ZFHX2: variants seen among roughly 807,000 people sequenced by gnomAD.
ZFHX2 encodes zinc finger homeobox 2, also known as zinc finger homeobox protein 2.
Under a neutral mutation model 164.8 loss-of-function variants are expected in ZFHX2, and 75 were observed. That is an observed-to-expected ratio of 0.46 (90% CI 0.38 to 0.55). The LOEUF (loss-of-function observed/expected upper bound fraction) is 0.55. Among genes scored for constraint, ZFHX2 ranks in the 20% least tolerant of loss-of-function variants. ZFHX2 has a pLI of 0.00. For missense variants in ZFHX2, 2,933 were observed against 3,308.0 expected (o/e 0.89, Z 2.78); for synonymous variants, 1,217 against 1,351.4 (o/e 0.90, Z 2.18).
intron 1 of ZFHX2, among the ~76,000 whole-genome samples, chr14:23,541,874 T>C (rs1055489407): frequency 6.6e-6 from 1 of 152,218 alleles, no homozygotes; most frequent in Non-Finnish European, 1.5e-5. Flanking sequence ...AAACAGTACT[T>C]TGATTCTTCC....
Position 23,534,757 on chromosome 14 carries a change from T to C in ZFHX2, c.569A>G (p.His190Arg), listed in dbSNP as rs976303436. 2.1e-5 allele frequency: 32 copies of C among 1,536,042 alleles called. No homozygotes were observed. In the East Asian group the frequency reaches 6.1e-4, roughly 29 times the overall value. ...AGCCGGAGATGGTGCTGAGGTATCA[T>C]GGGACAGAATTTGGTCAGAAGAGCT... Reference protein sequence around the residue: ...GFSSSDQILSHDTSAPSPAAC... With the variant: ...GFSSSDQILSRDTSAPSPAAC... The change falls in exon 2 of 10, where the codon CAT becomes CGT. Residue 190 changes from histidine to arginine, a missense_variant. Coordinates refer to ENST00000419474, the MANE Select transcript of ZFHX2 (RefSeq NM_033400.3). This position sits in a 1 kb window ranked among gnomAD's most constrained non-coding sequence, Gnocchi z 4.5.
At chr14:23,531,388 C>A in intron 4 of ZFHX2, 93 bp downstream of exon 4, 1 of 1,328,544 alleles carries the variant, frequency 7.5e-7, no homozygotes, top group Non-Finnish European at 9.6e-7. Flanking sequence ...CCCTCTTCGC[C>A]TTCCTTGTAT....
At chr14:23,550,006 G>A (rs1459649460) in intron 1 of ZFHX2, among the ~76,000 whole-genome samples, 1 of 152,194 alleles carries the variant, frequency 6.6e-6, no homozygotes, top group African/African-American at 2.4e-5. Flanking sequence ...GGAAAAAAGG[G>A]GTGAAGCAAA....
Position 23,524,841 on chromosome 14 carries a change from C to G in ZFHX2, c.5101G>C (p.Glu1701Gln). 6.5e-7 allele frequency: 1 copy of G among 1,537,020 alleles called. No homozygotes were observed. The highest frequency in any genetic ancestry group is 1.2e-5 in the South Asian group (1 of 84,078). The change falls in exon 9 of 10, where the codon GAG becomes CAG. Residue 1701 changes from glutamate (E) to glutamine (Q), a missense_variant. Transcript: ENST00000419474. This position sits in a 1 kb window ranked among gnomAD's most constrained non-coding sequence, Gnocchi z 5.6. ...TCCCCTCTCTCTGCCTCTTCCTCCTCCTCTTCAAGGGTCTGGTCATCATAG... is the reference window on the plus strand; with the variant it reads ...TCCCCTCTCTCTGCCTCTTCCTCCTGCTCTTCAAGGGTCTGGTCATCATAG... ...KCYDDQTLEE[E>Q]EEEAERGEEE...
Position 23,523,187 on chromosome 14 carries a change from C to T in ZFHX2, c.6739+16G>A, listed in dbSNP as rs983536569. ...ATGTTCTCTGAAGTCCAGCTCCTCCCAGCCTCCCTACTCACCTGAATTGAA... is the reference window on the plus strand; with the variant it reads ...ATGTTCTCTGAAGTCCAGCTCCTCCTAGCCTCCCTACTCACCTGAATTGAA... On this transcript the variant is annotated intron_variant, in intron 9 of 9. Transcript: ENST00000419474. The surrounding 1 kb of genome is among the most constrained non-coding windows in gnomAD (Gnocchi z 4.1). 1 of 1,413,254 alleles carries T rather than the reference C, an allele frequency of 7.1e-7. No homozygotes were observed. Among genetic ancestry groups the T allele is most frequent in the Middle Eastern group, 1.8e-4 (1 of 5,432 alleles). 87.5% of individuals were successfully genotyped at this position (1,413,254 alleles called of 1,614,324 possible). A position where few individuals can be genotyped will look rare whatever the true frequency, so the allele number is the denominator to read the frequency against.
chr14:23,524,078 C>T lies in ZFHX2; in HGVS notation c.5864G>A (p.Gly1955Glu), dbSNP rs1183275807. 6.6e-7 allele frequency: 1 copy of T among 1,525,480 alleles called. No homozygotes were observed. The highest frequency in any genetic ancestry group is 8.8e-7 in the Non-Finnish European group (1 of 1,140,814). 94.5% of individuals were successfully genotyped at this position (1,525,480 alleles called of 1,614,324 possible). ...LLLGKVDDGT[G>E]REAPKREAPA... Reference sequence around the variant, plus strand: ...TGCTTCCCTCTTTGGGGCTTCCCTCCCAGTGCCATCATCTACCTTGCCTAA... The same window carrying T: ...TGCTTCCCTCTTTGGGGCTTCCCTCTCAGTGCCATCATCTACCTTGCCTAA... The change falls in exon 9 of 10, where the codon GGG becomes GAG. Residue 1955 changes from glycine (G) to glutamate (E), a missense_variant. Physicochemically the swap from Gly to Glu is moderately conservative, Grantham distance 98. Transcript: ENST00000419474. This position sits in a 1 kb window ranked among gnomAD's most constrained non-coding sequence, Gnocchi z 5.6.
At chr14:23,548,761 T>C (rs1881647662) in intron 1 of ZFHX2, among the ~76,000 whole-genome samples, 1 of 152,230 alleles carries the variant, frequency 6.6e-6, no homozygotes, top group Admixed American at 6.5e-5. Context: ...TTCTGCTTTC[T>C]CTCCCTCTCT....
intron 3 of ZFHX2, 58 bp from the exon 4 acceptor site, chr14:23,531,779 GA>G: frequency 7.9e-6 from 10 of 1,272,630 alleles, no homozygotes; most frequent in Non-Finnish European, 9.9e-6. Flanking sequence ...GACCTCAGGG[GA>G]CTTTTTTTTT....
At chr14:23,549,112 C>A (rs1881696199) in intron 1 of ZFHX2, among the ~76,000 whole-genome samples, 1 of 152,132 alleles carries the variant, frequency 6.6e-6, no homozygotes, top group South Asian at 2.1e-4. Flanking sequence ...TTTCTGTTGA[C>A]CTCCACTTTA....
In ZFHX2 at chr14:23,531,643, G is replaced by T; in HGVS notation, c.2638C>A (p.Pro880Thr). The T allele has an allele frequency of 6.6e-7, 1 of 1,517,250 alleles. No homozygotes were observed. The highest frequency in any genetic ancestry group is 8.8e-7 in the Non-Finnish European group (1 of 1,135,288). The allele number at this position is 1,517,250 out of a possible 1,614,324, so 94.0% of individuals were successfully genotyped here. The part of the protein sequence containing the change: ...YHCLLCAWET[P>T]SRLAVLQHLR... The stretch of plus-strand genomic sequence containing the variant: ...TGTTGCAGCACAGCCAAGCGGGAGG[G>T]TGTCTCCCACGCACACAACAGGCAG... The change falls in exon 4 of 10, where the codon CCC (proline) becomes ACC (threonine). Residue 880 changes from proline to threonine, a missense_variant. Coordinates refer to ENST00000419474, the MANE Select transcript of ZFHX2 (RefSeq NM_033400.3).
Position 23,522,818 on chromosome 14 carries a change from G to T in ZFHX2, c.6863C>A (p.Thr2288Asn), listed in dbSNP as rs762893820. Residue 2288 changes from threonine to asparagine, a missense_variant, in exon 10 of 10, where the codon ACC (threonine) becomes AAC (asparagine). By Grantham distance (65) the Thr-to-Asn change is moderately conservative. Transcript: ENST00000419474. ...PQRPMPDQTN[T>N]STAGTTDPVP... ...AGGGTCAGTGGTGCCTGCTGTGGAG[G>T]TGTTGGTTTGGTCGGGCATGGGTCT... is the stretch of plus-strand genomic sequence containing the variant. 8.5e-6 allele frequency: 13 copies of T among 1,535,786 alleles called. No homozygotes were observed. In the South Asian group the frequency reaches 1.5e-4, roughly 18 times the overall value.
chr14:23,524,375 C>T lies in ZFHX2; in HGVS notation c.5567G>A (p.Arg1856Lys). 3.3e-6 allele frequency: 5 copies of T among 1,536,232 alleles called. No individual in the cohort carries two copies. The highest frequency in any genetic ancestry group is 4.4e-6 in the Non-Finnish European group (5 of 1,146,924). The change falls in exon 9 of 10, where the codon AGG becomes AAG. Residue 1856 changes from arginine (R) to lysine (K), a missense_variant. Coordinates refer to ENST00000419474, the MANE Select transcript of ZFHX2 (RefSeq NM_033400.3). The surrounding 1 kb of genome is among the most constrained non-coding windows in gnomAD (Gnocchi z 5.6). ...AGGGGEGEPP[R>K]DKRLRTTILP... is the part of the protein sequence containing the mutation. The stretch of plus-strand genomic sequence containing the variant: ...GATGGTGGTGCGCAGGCGCTTGTCC[C>T]TGGGGGGCTCGCCCTCCCCTCCTCC...
chr14:23,531,767 C>G, intron 3 of ZFHX2, 46 bp from the exon 4 acceptor site: 1 of 1,286,004 alleles, frequency 7.8e-7, no homozygotes, highest in Non-Finnish European at 9.9e-7. Flanking sequence ...AGGGACATGC[C>G]AGACCTCAGG....
At chr14:23,553,539 C>T (rs1026006170), upstream of ZFHX2, among the ~76,000 whole-genome samples, 8 of 150,852 alleles carry the variant, frequency 5.3e-5, no homozygotes, top group African/African-American at 2.0e-4. Flanking sequence ...GCAGAGGTTG[C>T]GGTGAGCCAA....
Position 23,522,607 on chromosome 14 carries a change from C to A in ZFHX2, c.7074G>T (p.Pro2358=). ...FPLPPAGGTA[P]PAVFGPQLQG... ...GTAGCTGGGGGCCAAAGACAGCTGG[C>A]GGTGCTGTTCCCCCAGCAGGGGGCA... The change falls in exon 10 of 10, where the codon CCG becomes CCT. Residue 2358 remains proline, a synonymous_variant. Transcript: ENST00000419474. 3.3e-6 allele frequency: 5 copies of A among 1,530,736 alleles called. No homozygotes were observed. Among genetic ancestry groups the A allele is most frequent in the African/African-American group, 1.4e-5 (1 of 72,992 alleles). The allele number at this position is 1,530,736 out of a possible 1,614,324, so 94.8% of individuals were successfully genotyped here. A position where few individuals can be genotyped will look rare whatever the true frequency, so the allele number is the denominator to read the frequency against.
chr14:23,534,582 C>T lies in ZFHX2; in HGVS notation c.744G>A (p.Lys248=), dbSNP rs1010024193. The change falls in exon 2 of 10, where the codon AAG becomes AAA. Residue 248 remains lysine, a synonymous_variant. Coordinates refer to ENST00000419474, the MANE Select transcript of ZFHX2 (RefSeq NM_033400.3). The surrounding 1 kb of genome is among the most constrained non-coding windows in gnomAD (Gnocchi z 4.5). ...GTGTGTGATCCATAAAGGCCTGGGG[C>T]TTGCTGAAACCCAGGCGGCACAGAA... ...LCLLCRLGFS[K]PQAFMDHTQS... 17 of 1,536,160 alleles carry T rather than the reference C, an allele frequency of 1.1e-5. No homozygotes were observed. The highest frequency in any genetic ancestry group is 3.3e-4 in the Middle Eastern group (2 of 5,990).
intron 5 of ZFHX2, 102 bp from the exon 6 acceptor site, chr14:23,529,870 A>C: frequency 8.2e-7 from 1 of 1,222,166 alleles, no homozygotes; most frequent in Non-Finnish European, 1.2e-6. Context: ...GAGAAAGGGC[A>C]GGAAACTCAG....
Position 23,524,150 on chromosome 14 carries a change from G to T in ZFHX2, c.5792C>A (p.Pro1931Gln), listed in dbSNP as rs576274559. The T allele has an allele frequency of 6.5e-7, 1 of 1,535,852 alleles. No homozygotes were observed. Among genetic ancestry groups the T allele is most frequent in the African/African-American group, 1.4e-5 (1 of 72,992 alleles). The part of the protein sequence containing the change: ...PGGVPSPAVK[P>Q]PATATPASLP... The stretch of plus-strand genomic sequence containing the variant: ...GGATGCAGGGGTGGCTGTGGCAGGC[G>T]GTTTCACTGCTGGACTAGGCACCCC... Residue 1931 changes from proline to glutamine, a missense_variant, in exon 9 of 10, where the codon CCG becomes CAG. By Grantham distance (76) the Pro-to-Gln change is moderately conservative. Coordinates refer to ENST00000419474, the MANE Select transcript of ZFHX2 (RefSeq NM_033400.3). The surrounding 1 kb of genome is among the most constrained non-coding windows in gnomAD (Gnocchi z 5.6).
In ZFHX2 at chr14:23,535,056, T is replaced by G. The variant is rs1398523888; in HGVS notation, c.270A>C (p.Pro90=). 4.6e-6 allele frequency: 7 copies of G among 1,536,142 alleles called. No homozygotes were observed. The highest frequency in any genetic ancestry group is 2.0e-5 in the Admixed American group (1 of 50,986). Residue 90 remains proline, a synonymous_variant, in exon 2 of 10, where the codon CCA becomes CCC. Transcript: ENST00000419474. This position sits in a 1 kb window ranked among gnomAD's most constrained non-coding sequence, Gnocchi z 4.5. ...CCTGCTCCTTGTCCTTTTCCACCCC[T>G]GGGTCATTTGGTGGGAAGTGACCAC... ...PDCGHFPPND[P]GVEKDKEQEE...
Sources: allele counts gnomAD v4.1 joint callset (sites outside exome capture counted in the v4.1 genomes callset), GRCh38; gene constraint gnomAD v4.1.1; non-coding constraint Gnocchi (gnomAD v3.1); transcripts MANE v1.5; gene names NCBI Gene and HGNC (gene_info 2026-07-23, HGNC 2026-07-21).